Variants in PCDHA5 observed in about 807,000 individuals in gnomAD.
PCDHA5 encodes protocadherin alpha-5.
PCDHA5 carries 43 observed loss-of-function variants against 61.6 expected under a neutral mutation model. That is an observed-to-expected ratio of 0.70 (90% CI 0.55 to 0.90). The LOEUF (loss-of-function observed/expected upper bound fraction) is 0.90, where lower values mean the gene tolerates loss of function less well. Ranked by LOEUF, PCDHA5 falls within the 40% of genes least tolerant of loss-of-function variation. The pLI is 0.00. For synonymous variants in PCDHA5, 627 were observed against 543.9 expected (o/e 1.15, Z -2.13); for missense variants, 1,298 against 1,222.7 (o/e 1.06, Z -0.92).
intron 1 of PCDHA5, among the ~76,000 whole-genome samples, chr5:140,955,521 TC>T (rs2095199105): frequency 6.6e-6 from 1 of 152,142 alleles, no homozygotes; most frequent in Non-Finnish European, 1.5e-5. Context: ...TGCTTTCCCT[TC>T]CACCATGATT....
At chr5:140,972,316 G>T (rs2096531069) in intron 1 of PCDHA5, among the ~76,000 whole-genome samples, 2 of 139,864 alleles carry the variant, frequency 1.4e-5, no homozygotes, top group South Asian at 2.3e-4. Flanking sequence ...GTTTTTAGGT[G>T]TTTTTTTTTT....
At chr5:141,007,395 C>CAAAAA (rs35800918) in intron 3 of PCDHA5, among the ~76,000 whole-genome samples, 20 of 94,830 alleles carry the variant, frequency 2.1e-4, no homozygotes, top group South Asian at 3.5e-4. Context: ...TACTAAAATA[C>CAAAAA]AAAAAAAAAA....
At chr5:140,993,462 T>TCACACACACACACACACA (rs3836747) in intron 3 of PCDHA5, among the ~76,000 whole-genome samples, 2 of 140,938 alleles carry the variant, frequency 1.4e-5, no homozygotes, top group African/African-American at 5.3e-5. Flanking sequence ...TCTTTCTTTC[T>TCACACACACACACACACA]CACACACACA....
intron 1 of PCDHA5, chr5:140,869,751 C>G: frequency 1.2e-6 from 2 of 1,613,134 alleles, no homozygotes. Flanking sequence ...CAGCTACAGA[C>G]GGGGGAAAAC....
chr5:140,924,050 A>T (rs1554201725), intron 1 of PCDHA5, among the ~76,000 whole-genome samples: 1 of 152,250 alleles, frequency 6.6e-6, no homozygotes, highest in African/African-American at 2.4e-5. Flanking sequence ...AAAGTTCGGT[A>T]CATCTTTACA....
At chr5:140,851,602 G>A in intron 1 of PCDHA5, 1 of 918,032 alleles carries the variant, frequency 1.1e-6, no homozygotes, top group Non-Finnish European at 1.3e-6. Flanking sequence ...TCAGTTTACA[G>A]AAATTGGAGA....
chr5:140,870,947 G>A lies in PCDHA5; in HGVS notation c.2352+46820G>A. ...TCATATGAATTGCAGCCGGCGGCGGGCGGCTCGCGCATCCCGTTCCGCGTG... is the reference window on the plus strand; with the variant it reads ...TCATATGAATTGCAGCCGGCGGCGGACGGCTCGCGCATCCCGTTCCGCGTG... On this transcript the variant is annotated intron_variant, in intron 1 of 3. Coordinates refer to ENST00000529859, the MANE Select transcript of PCDHA5 (RefSeq NM_018908.3). The A allele has an allele frequency of 6.2e-7, 1 of 1,613,700 alleles. No homozygotes were observed. Among genetic ancestry groups the A allele is most frequent in the Non-Finnish European group, 8.5e-7 (1 of 1,179,896 alleles).
intron 1 of PCDHA5, chr5:140,875,828 T>C: frequency 6.2e-7 from 1 of 1,614,196 alleles, no homozygotes; most frequent in African/African-American, 1.3e-5. Flanking sequence ...GTTTTCCATG[T>C]GGACGTGGAG....
At position 140,836,280 on chromosome 5, in the gene PCDHA5, A is replaced by G. The variant is rs1774331146; in HGVS notation, c.2352+12153A>G. 6.2e-7 allele frequency: 1 copy of G among 1,613,762 alleles called. No homozygotes were observed. Among genetic ancestry groups the G allele is most frequent in the African/African-American group, 1.3e-5 (1 of 74,966 alleles). On this transcript the variant is annotated intron_variant, in intron 1 of 3. Coordinates refer to ENST00000529859, the MANE Select transcript of PCDHA5 (RefSeq NM_018908.3). ...GGGGCTGTACACTGGTGAGATCAGCACGACACGAGCCCTAGATGAGACGGA... is the reference window on the plus strand; with the variant it reads ...GGGGCTGTACACTGGTGAGATCAGCGCGACACGAGCCCTAGATGAGACGGA...
At chr5:140,845,981 G>A (rs1025810525) in intron 1 of PCDHA5, among the ~76,000 whole-genome samples, 13 of 149,478 alleles carry the variant, frequency 8.7e-5, no homozygotes, top group Non-Finnish European at 1.9e-4. Context: ...TCAATATTTT[G>A]AATGTTGTGT....
At chr5:140,875,229 T>C (rs893316010) in intron 1 of PCDHA5, 7 of 838,964 alleles carry the variant, frequency 8.3e-6, no homozygotes, top group Non-Finnish European at 1.2e-5. Flanking sequence ...TCAGGATCTT[T>C]CTTGTACTTA....
chr5:140,934,429 T>C (rs1480259267), intron 1 of PCDHA5, among the ~76,000 whole-genome samples: 1 of 152,194 alleles, frequency 6.6e-6, no homozygotes, highest in African/African-American at 2.4e-5. Context: ...TCAATGCAAG[T>C]GTAAATATAG....
In PCDHA5 at chr5:140,882,516, T is replaced by C. The variant is rs782263799; in HGVS notation, c.2352+58389T>C. ...CTGGAGGTAAATCTGCAGAATGGCA[T>C]TTTGTTTGTGAATTCTCGGATCGAC... is the stretch of plus-strand genomic sequence containing the variant. On this transcript the variant is annotated intron_variant, in intron 1 of 3. Coordinates refer to ENST00000529859, the MANE Select transcript of PCDHA5 (RefSeq NM_018908.3). 1.4e-5 allele frequency: 22 copies of C among 1,614,068 alleles called. No individual in the cohort carries two copies. The highest frequency in any genetic ancestry group is 4.0e-5 in the African/African-American group (3 of 74,944).
At chr5:140,882,936 C>T (rs782513929) in intron 1 of PCDHA5, 5 of 1,614,082 alleles carry the variant, frequency 3.1e-6, no homozygotes, top group Non-Finnish European at 4.2e-6. Flanking sequence ...CCCGAGCTGA[C>T]TGGCACAGTT....
At chr5:140,868,000 C>G (rs2050232725) in intron 1 of PCDHA5, 1 of 152,022 alleles carries the variant, frequency 6.6e-6, no homozygotes, top group Non-Finnish European at 1.5e-5. Flanking sequence ...ATGAATATAA[C>G]TGAATTAGAT....
At chr5:140,922,016 AT>A (rs1213488839) in intron 1 of PCDHA5, among the ~76,000 whole-genome samples, 20 of 152,076 alleles carry the variant, frequency 1.3e-4, no homozygotes, top group Admixed American at 1.2e-3. Flanking sequence ...GTTTAAAAAA[AT>A]AAATATAAAA....
chr5:140,869,271 G>C (rs2050992128), intron 1 of PCDHA5: 1 of 1,613,468 alleles, frequency 6.2e-7, no homozygotes, highest in Admixed American at 1.7e-5. Flanking sequence ...GGCTGGAGCT[G>C]GCGGAGCTGG....
In PCDHA5 at chr5:140,851,114, A is replaced by C; in HGVS notation, c.2352+26987A>C. On this transcript the variant is annotated intron_variant, in intron 1 of 3. Transcript: ENST00000529859. ...TAGATATTTTTTGGGTGCTGAATCA[A>C]TTTTATTTAAATTTGTGATTAAAGT... 6 of 1,305,466 alleles carry C rather than the reference A, an allele frequency of 4.6e-6. 1 individual carries two copies. The highest frequency in any genetic ancestry group is 6.0e-6 in the Non-Finnish European group (6 of 1,007,386). 80.9% of individuals were successfully genotyped at this position (1,305,466 alleles called of 1,614,324 possible).
chr5:140,863,422 G>T (rs782158453), intron 1 of PCDHA5: 6 of 689,158 alleles, frequency 8.7e-6, no homozygotes, highest in Middle Eastern at 5.8e-4. Flanking sequence ...GTACCGCAGC[G>T]TAGTGGGATC....
Sources: gnomAD v4.1 joint callset for allele counts (sites outside exome capture counted in the v4.1 genomes callset) on GRCh38, gnomAD v4.1.1 for gene constraint, MANE v1.5 for transcripts, NCBI Gene and HGNC (gene_info 2026-07-23, HGNC 2026-07-21) for gene names.